The following RAB3IL1 variants were observed in gnomAD, a reference collection of about 807,000 sequenced individuals.
RAB3IL1 encodes guanine nucleotide exchange factor for Rab-3A.
In RAB3IL1, 37 loss-of-function variants were observed where a neutral mutation model predicts 49.2. The ratio of observed to expected loss-of-function variants is 0.75; its 90% CI spans 0.58 to 0.99. The LOEUF (loss-of-function observed/expected upper bound fraction) is 0.99, where lower values mean the gene tolerates loss of function less well. Among genes scored for constraint, RAB3IL1 ranks in the 50% least tolerant of loss-of-function variants. RAB3IL1 has a pLI of 0.00. For missense variants in RAB3IL1, 484 were observed against 513.0 expected (o/e 0.94, Z 0.55); for synonymous variants, 193 against 213.9 (o/e 0.90, Z 0.85).
the RAB3IL1 span, among the ~76,000 whole-genome samples, chr11:61,939,246 A>G: frequency 6.6e-6 from 1 of 152,208 alleles, no homozygotes; most frequent in Non-Finnish European, 1.5e-5. Context: ...AAATTCACAA[A>G]TATGTGGGAA....
chr11:61,899,093 G>T (rs1009401386), intron 9 of RAB3IL1, among the ~76,000 whole-genome samples: 2 of 152,236 alleles, frequency 1.3e-5, no homozygotes, highest in African/African-American at 4.8e-5. Context: ...GCGGGGCCGG[G>T]AGAGGTTTGG....
chr11:61,934,454 A>ATGTATATATG, the RAB3IL1 span, among the ~76,000 whole-genome samples: 1 of 15,204 alleles, frequency 6.6e-5, no homozygotes, highest in African/African-American at 1.5e-4. Flanking sequence ...GTGTATGTAT[A>ATGTATATATG]TATATATATA....
chr11:61,915,680 C>G (rs927992893), intron 1 of RAB3IL1, among the ~76,000 whole-genome samples: 2 of 152,128 alleles, frequency 1.3e-5, no homozygotes, highest in African/African-American at 4.8e-5. Flanking sequence ...CCTAAGCCAG[C>G]CTCCTTCCTC....
the RAB3IL1 span, among the ~76,000 whole-genome samples, chr11:61,938,441 C>A: frequency 1.3e-5 from 2 of 152,014 alleles, no homozygotes; most frequent in Non-Finnish European, 2.9e-5. Flanking sequence ...GAGTGGATAT[C>A]CTAATATTAT....
chr11:61,924,185 T>TGGTA (rs1939958948), upstream of RAB3IL1, among the ~76,000 whole-genome samples: 1 of 152,160 alleles, frequency 6.6e-6, no homozygotes, highest in South Asian at 2.1e-4. Context: ...TTGTCCCAGG[T>TGGTA]GGTACAGCAT....
chr11:61,941,230 G>A, the RAB3IL1 span, among the ~76,000 whole-genome samples: 1 of 151,098 alleles, frequency 6.6e-6, no homozygotes. Flanking sequence ...CAAATGCCTA[G>A]AAACCAAAAC....
At position 61,897,476 on chromosome 11, in the gene RAB3IL1, G is replaced by C. The variant is rs1305878590; in HGVS notation, c.*802C>G. On this transcript the variant is annotated 3_prime_UTR_variant, in exon 10 of 10. Coordinates refer to ENST00000394836, the MANE Select transcript of RAB3IL1 (RefSeq NM_013401.4). ...TGCCCACCCAGGCCCCACATGCCAG[G>C]GCGCGTGTCTGCATGGCCACCCACA... is the stretch of plus-strand genomic sequence containing the variant. 6.6e-6 allele frequency: 1 copy of C among 152,394 alleles called. No homozygotes were observed. The highest frequency in any genetic ancestry group is 2.4e-5 in the African/African-American group (1 of 41,430). The allele number at this position is 152,394 out of a possible 1,614,324, so 9.4% of individuals were successfully genotyped here. A position where few individuals can be genotyped will look rare whatever the true frequency, so the allele number is the denominator to read the frequency against.
At chr11:61,938,166 A>AG in the RAB3IL1 span, among the ~76,000 whole-genome samples, 10 of 152,100 alleles carry the variant, frequency 6.6e-5, no homozygotes, top group Non-Finnish European at 1.3e-4. Context: ...GGTAGGCTGA[A>AG]GTGGGAGGAT....
chr11:61,932,439 A>AT, the RAB3IL1 span, among the ~76,000 whole-genome samples: 3,565 of 152,198 alleles, frequency 0.023, 138 homozygotes, highest in African/African-American at 0.08. Context: ...ATACTGTAAG[A>AT]TTTTTTATTT....
At chr11:61,934,479 T>C in the RAB3IL1 span, among the ~76,000 whole-genome samples, 4 of 61,624 alleles carry the variant, frequency 6.5e-5, no homozygotes, top group East Asian at 1.8e-3. Flanking sequence ...TATATATATA[T>C]ATATATATAT....
At chr11:61,911,091 A>G (rs1268686129) in intron 1 of RAB3IL1, among the ~76,000 whole-genome samples, 1 of 152,194 alleles carries the variant, frequency 6.6e-6, no homozygotes, top group Non-Finnish European at 1.5e-5. Flanking sequence ...TTTTCCCAAC[A>G]GGCTCTCATT....
the RAB3IL1 span, among the ~76,000 whole-genome samples, chr11:61,945,466 C>T: frequency 3.3e-5 from 5 of 152,194 alleles, no homozygotes; most frequent in Non-Finnish European, 7.3e-5. Flanking sequence ...CCTAGACAGG[C>T]GGCCTACTGT....
Position 61,898,472 on chromosome 11 carries a change from G to A in RAB3IL1, c.1067-112C>T, listed in dbSNP as rs927860680. Reference sequence around the variant, plus strand: ...AGAGCAGCTGGCACAGCACCCTAGGGTCCCCGGCCCCCAAAACAGATGACC... The same window carrying A: ...AGAGCAGCTGGCACAGCACCCTAGGATCCCCGGCCCCCAAAACAGATGACC... On this transcript the variant is annotated intron_variant, in intron 9 of 9. Transcript: ENST00000394836. This position sits in a 1 kb window ranked among gnomAD's most constrained non-coding sequence, Gnocchi z 5.1. 4 of 857,416 alleles carry A rather than the reference G, an allele frequency of 4.7e-6. No individual in the cohort carries two copies. Among genetic ancestry groups the A allele is most frequent in the East Asian group, 2.4e-5 (1 of 41,202 alleles). The allele number at this position is 857,416 out of a possible 1,614,324, so 53.1% of individuals were successfully genotyped here.
the RAB3IL1 span, among the ~76,000 whole-genome samples, chr11:61,925,887 T>G: frequency 6.6e-6 from 1 of 152,074 alleles, no homozygotes; most frequent in African/African-American, 2.4e-5. Flanking sequence ...AGGAGATGGT[T>G]AAACATTTTT....
chr11:61,931,119 A>G, the RAB3IL1 span, among the ~76,000 whole-genome samples: 1 of 152,132 alleles, frequency 6.6e-6, no homozygotes, highest in Non-Finnish European at 1.5e-5. Context: ...ATCAAAGCGA[A>G]CCGATAAGCA....
intron 1 of RAB3IL1, among the ~76,000 whole-genome samples, chr11:61,914,190 G>A (rs1939581283): frequency 6.6e-6 from 1 of 152,240 alleles, no homozygotes; most frequent in African/African-American, 2.4e-5. Flanking sequence ...CCAAGGCCCA[G>A]GGCAGTGAAG....
the RAB3IL1 span, among the ~76,000 whole-genome samples, chr11:61,940,839 G>C: frequency 6.6e-6 from 1 of 151,892 alleles, no homozygotes; most frequent in Admixed American, 6.6e-5. Context: ...AAAATGACTT[G>C]AACCCGGGAG....
At chr11:61,929,852 C>CT in the RAB3IL1 span, among the ~76,000 whole-genome samples, 1 of 144,576 alleles carries the variant, frequency 6.9e-6, no homozygotes, top group Non-Finnish European at 1.5e-5. Flanking sequence ...TCCCAAAGTG[C>CT]TGGGACTATG....
In RAB3IL1 at chr11:61,904,824, T is replaced by A; in HGVS notation, c.716A>T (p.Lys239Met). The A allele has an allele frequency of 2.5e-6, 4 of 1,611,422 alleles. No individual in the cohort carries two copies. Among genetic ancestry groups the A allele is most frequent in the Non-Finnish European group, 3.4e-6 (4 of 1,178,820 alleles). The change falls in exon 6 of 10, where the codon AAG (lysine) becomes ATG (methionine). Residue 239 changes from lysine (K) to methionine (M), a missense_variant. Coordinates refer to ENST00000394836, the MANE Select transcript of RAB3IL1 (RefSeq NM_013401.4). Reference protein sequence around the residue: ...QAWRESPTLDKTCPFLERVYR... With the variant: ...QAWRESPTLDMTCPFLERVYR... The stretch of plus-strand genomic sequence containing the variant: ...CACCCTTTCCAGGAAGGGGCAGGTC[T>A]TGTCCAGGGTGGGGGATTCCCTCCA...
Sources: allele counts gnomAD v4.1 joint callset (sites outside exome capture counted in the v4.1 genomes callset), GRCh38; gene constraint gnomAD v4.1.1; non-coding constraint Gnocchi (gnomAD v3.1); transcripts MANE v1.5; gene names NCBI Gene and HGNC (gene_info 2026-07-23, HGNC 2026-07-21).